Variants in PPA2 observed in about 807,000 individuals in gnomAD.
The protein encoded by PPA2 is inorganic pyrophosphatase 2.
In PPA2, 48 loss-of-function variants were observed where a neutral mutation model predicts 49.5. The ratio of observed to expected loss-of-function variants is 0.97; its 90% CI spans 0.77 to 1.23. The LOEUF is 1.23. PPA2 is among the 50% of genes most tolerant of loss of function. The pLI, the probability that PPA2 is intolerant of heterozygous loss-of-function variation, is 0.00. For missense variants in PPA2, 429 were observed against 410.1 expected, an observed-to-expected ratio of 1.05 and a Z score of -0.40; for synonymous variants, 131 against 139.9, an observed-to-expected ratio of 0.94 and a Z score of 0.45.
chr4:105,440,222 T>C (rs1028337831), intron 5 of PPA2, among the ~76,000 whole-genome samples: 3 of 152,130 alleles, frequency 2.0e-5, no homozygotes, highest in African/African-American at 7.2e-5. Flanking sequence ...CAGATCTGTT[T>C]CTTCAGCTAT....
chr4:105,446,290 C>T, intron 5 of PPA2, 93 bp downstream of exon 5: 2 of 1,338,840 alleles, frequency 1.5e-6, no homozygotes, highest in Non-Finnish European at 2.0e-6. Context: ...ATGACATGTC[C>T]TCAGAACCAA....
chr4:105,407,232 G>C (rs1300986302), intron 7 of PPA2: 1 of 152,142 alleles, frequency 6.6e-6, no homozygotes, highest in East Asian at 1.9e-4. Flanking sequence ...ACATGGGTAT[G>C]AAGATGGCAA....
chr4:105,469,402 T>A (rs1723434126), intron 1 of PPA2, among the ~76,000 whole-genome samples: 1 of 152,218 alleles, frequency 6.6e-6, no homozygotes, highest in Non-Finnish European at 1.5e-5. Context: ...GGATGAAAGT[T>A]TATTACTTAC....
At chr4:105,372,377 T>C (rs1733062769) in intron 10 of PPA2, among the ~76,000 whole-genome samples, 1 of 152,218 alleles carries the variant, frequency 6.6e-6, no homozygotes, top group African/African-American at 2.4e-5. Flanking sequence ...TGCTTAAATC[T>C]AAGGGCAGTA....
chr4:105,425,660 C>CA (rs1723463936), intron 6 of PPA2, among the ~76,000 whole-genome samples: 1 of 149,848 alleles, frequency 6.7e-6, no homozygotes, highest in African/African-American at 2.4e-5. Context: ...AAATAACGTC[C>CA]AAAAAATTTC....
intron 5 of PPA2, among the ~76,000 whole-genome samples, chr4:105,439,691 AATT>A (rs912572108): frequency 1.3e-5 from 2 of 148,536 alleles, no homozygotes; most frequent in Middle Eastern, 3.5e-3. Flanking sequence ...CAATAAAGGT[AATT>A]ATTATGATAC....
At chr4:105,387,001 C>T (rs1011823709) in intron 9 of PPA2, among the ~76,000 whole-genome samples, 5 of 152,142 alleles carry the variant, frequency 3.3e-5, no homozygotes, top group African/African-American at 1.2e-4. Flanking sequence ...GATAAATTTT[C>T]CTCTAAGTGA....
intron 7 of PPA2, among the ~76,000 whole-genome samples, chr4:105,403,102 C>A (rs930153199): frequency 1.3e-5 from 2 of 152,058 alleles, no homozygotes; most frequent in Non-Finnish European, 2.9e-5. Context: ...CGGCTCACTG[C>A]AACCTTGACT....
intron 1 of PPA2, chr4:105,473,626 G>A (rs746304527): frequency 2.9e-6 from 2 of 697,470 alleles, no homozygotes; most frequent in East Asian, 2.9e-5. Flanking sequence ...CGGCTGGCAG[G>A]GCACAGGGCG....
intron 10 of PPA2, among the ~76,000 whole-genome samples, chr4:105,376,932 T>G (rs1733278889): frequency 1.3e-5 from 2 of 152,196 alleles, no homozygotes; most frequent in Non-Finnish European, 2.9e-5. Context: ...GTTTAATTCA[T>G]ATTTCCCCAA....
intron 7 of PPA2, among the ~76,000 whole-genome samples, chr4:105,419,539 C>A (rs1723160534): frequency 6.6e-6 from 1 of 152,068 alleles, no homozygotes; most frequent in African/African-American, 2.4e-5. Flanking sequence ...GAAGGTGAAA[C>A]TAGAAGACTT....
At chr4:105,450,650 C>A (rs1722636161) in intron 3 of PPA2, among the ~76,000 whole-genome samples, 1 of 126,868 alleles carries the variant, frequency 7.9e-6, no homozygotes, top group Non-Finnish European at 1.6e-5. Context: ...CTTTGTCGCC[C>A]AGGCTGGAGC....
At chr4:105,398,280 T>C (rs1008045778) in intron 8 of PPA2, 2 of 151,954 alleles carry the variant, frequency 1.3e-5, no homozygotes, top group Admixed American at 1.3e-4. Flanking sequence ...CATTTAATAA[T>C]CCCAGACAAA....
chr4:105,441,259 A>G (rs1177321918), intron 5 of PPA2, among the ~76,000 whole-genome samples: 2 of 152,198 alleles, frequency 1.3e-5, no homozygotes, highest in African/African-American at 4.8e-5. Context: ...ACTAAATAAG[A>G]AAAAGGGCAA....
intron 1 of PPA2, among the ~76,000 whole-genome samples, chr4:105,472,740 C>T (rs1244999082): frequency 2.0e-5 from 3 of 152,210 alleles, no homozygotes; most frequent in African/African-American, 4.8e-5. Context: ...TAGGCAAACT[C>T]TTCTTTCCCA....
At position 105,450,074 on chromosome 4, in the gene PPA2, C is replaced by T. The variant is rs559580248; in HGVS notation, c.268-671G>A. Among the ~76,000 whole-genome samples the T allele has an allele frequency of 2.0e-5, 3 of 151,954 alleles. No homozygotes were observed. In the Middle Eastern group the frequency reaches 0.01, roughly 517 times the overall value. ...TTTAATTTCTGAACTTTGTAGAATG[C>T]ATAAACCAAAGGAGACCCTAGGTCA... On this transcript the variant is annotated intron_variant, in intron 3 of 11. Coordinates refer to ENST00000341695, the MANE Select transcript of PPA2 (RefSeq NM_176869.3).
At chr4:105,443,444 GAAA>G (rs11351997) in intron 5 of PPA2, among the ~76,000 whole-genome samples, 4 of 104,592 alleles carry the variant, frequency 3.8e-5, no homozygotes, top group African/African-American at 1.1e-4. Context: ...CCATCAAGCA[GAAA>G]AAAAAAAAAA....
chr4:105,447,724 G>GTTTACTT (rs748798456), intron 4 of PPA2, among the ~76,000 whole-genome samples: 3 of 144,108 alleles, frequency 2.1e-5, no homozygotes, highest in Non-Finnish European at 4.5e-5. Context: ...TTCAAAGTTA[G>GTTTACTT]TTTTCTTTTT....
intron 10 of PPA2, among the ~76,000 whole-genome samples, chr4:105,382,389 G>A (rs7673307): frequency 0.12 from 18,511 of 152,072 alleles, 1,178 homozygotes; most frequent in African/African-American, 0.15. Flanking sequence ...TGTACATTTT[G>A]TTTGAATCTT....
Sources: gnomAD v4.1 joint callset for allele counts (sites outside exome capture counted in the v4.1 genomes callset) on GRCh38, gnomAD v4.1.1 for gene constraint, MANE v1.5 for transcripts, NCBI Gene and HGNC (gene_info 2026-07-23, HGNC 2026-07-21) for gene names.